ZC3H12C: variants seen among roughly 807,000 people sequenced by gnomAD.
ZC3H12C encodes probable ribonuclease ZC3H12C.
In ZC3H12C, 20 loss-of-function variants were observed where a neutral mutation model predicts 76.3. The ratio of observed to expected loss-of-function variants is 0.26; its 90% CI spans 0.18 to 0.38. The LOEUF (loss-of-function observed/expected upper bound fraction) is 0.38, where lower values mean the gene tolerates loss of function less well. ZC3H12C is among the 10% of genes least tolerant of loss of function. The probability of loss-of-function intolerance (pLI) is 1.00; values close to 1 mark genes in which losing one functional copy is unlikely to be tolerated. For synonymous variants in ZC3H12C, 352 were observed against 399.6 expected (o/e 0.88, Z 1.42); for missense variants, 874 against 1,086.5 (o/e 0.80, Z 2.75).
At position 110,164,660 on chromosome 11, in the gene ZC3H12C, A is replaced by G; in HGVS notation, c.1575A>G (p.Pro525=). Residue 525 remains proline (P), a synonymous_variant, in exon 6 of 6, where the codon CCA becomes CCG. Transcript: ENST00000278590. This position sits in a 1 kb window ranked among gnomAD's most constrained non-coding sequence, Gnocchi z 5.7. ...CTGTACCTTCCTTAGTTAGCATCCC[A>G]GCTACTTCTACTGCAAAACCCCAAA... ...TRSVPSLVSI[P]ATSTAKPQST... The G allele has an allele frequency of 6.2e-7, 1 of 1,614,030 alleles. No individual in the cohort carries two copies. Among genetic ancestry groups the G allele is most frequent in the African/African-American group, 1.3e-5 (1 of 75,060 alleles).
chr11:110,115,700 A>G (rs1218004992), intron 1 of ZC3H12C, among the ~76,000 whole-genome samples: 5 of 149,972 alleles, frequency 3.3e-5, no homozygotes, highest in Non-Finnish European at 1.5e-5. Flanking sequence ...ATCCCAGAGT[A>G]TTAGAATTAT....
At chr11:110,105,605 T>TA (rs1861307857) in intron 1 of ZC3H12C, among the ~76,000 whole-genome samples, 1 of 152,200 alleles carries the variant, frequency 6.6e-6, no homozygotes, top group African/African-American at 2.4e-5. Flanking sequence ...GAAAATCACC[T>TA]ATAATTCTTA....
Position 110,136,693 on chromosome 11 carries a change from A to G in ZC3H12C, c.52A>G (p.Arg18Gly), listed in dbSNP as rs1435018270. The G allele has an allele frequency of 6.2e-7, 1 of 1,613,694 alleles. No homozygotes were observed. ...CGGGGTGCTTTGCATTCAGGAATAC[A>G]GAAAAAACAGCAAAGTGGAGTCAAG... ...EYGVLCIQEY[R>G]KNSKVESSTR... The change falls in exon 2 of 6, where the codon AGA becomes GGA. Residue 18 changes from arginine to glycine, a missense_variant. Physicochemically the swap from Arg to Gly is moderately radical, Grantham distance 125. Around this residue, in one of 3 missense-constraint regions of ZC3H12C, gnomAD observed 210 missense variants for 227.1 expected, o/e 0.92. Coordinates refer to ENST00000278590, the MANE Select transcript of ZC3H12C (RefSeq NM_033390.2).
At chr11:110,133,190 A>G (rs1451985896) in intron 1 of ZC3H12C, among the ~76,000 whole-genome samples, 1 of 152,180 alleles carries the variant, frequency 6.6e-6, no homozygotes, top group African/African-American at 2.4e-5. Flanking sequence ...GCTAATTACA[A>G]GTGGGTGAGG....
Position 110,165,381 on chromosome 11 carries a change from A to G in ZC3H12C, c.2296A>G (p.Lys766Glu), listed in dbSNP as rs765503730. 1 of 1,614,012 alleles carries G rather than the reference A, an allele frequency of 6.2e-7. No individual in the cohort carries two copies. The highest frequency in any genetic ancestry group is 1.7e-5 in the Admixed American group (1 of 60,026). ...TGACAGTTCTCCTTCACGACAAAGAAAGCCTTATTCCCGCCAGGAAGGCCT... is the reference window on the plus strand; with the variant it reads ...TGACAGTTCTCCTTCACGACAAAGAGAGCCTTATTCCCGCCAGGAAGGCCT... ...LYDSSPSRQR[K>E]PYSRQEGLGS... Residue 766 changes from lysine (K) to glutamate (E), a missense_variant, in exon 6 of 6, where the codon AAG becomes GAG. By Grantham distance (56) the Lys-to-Glu change is moderately conservative. This residue lies in a region of ZC3H12C where 395 missense variants were observed against 434.4 expected (regional missense o/e 0.91). Transcript: ENST00000278590.
chr11:110,130,019 G>T (rs1329326720), intron 1 of ZC3H12C, among the ~76,000 whole-genome samples: 2 of 152,054 alleles, frequency 1.3e-5, no homozygotes, highest in Non-Finnish European at 2.9e-5. Context: ...ATGTTAACTT[G>T]TTCCTGAGCT....
At chr11:110,152,270 A>G (rs1490881312) in intron 2 of ZC3H12C, among the ~76,000 whole-genome samples, 1 of 152,236 alleles carries the variant, frequency 6.6e-6, no homozygotes, top group Non-Finnish European at 1.5e-5. Context: ...CCCTTTTGTC[A>G]TCATTAATCC....
intron 4 of ZC3H12C, among the ~76,000 whole-genome samples, chr11:110,162,499 T>C (rs1862498182): frequency 6.6e-6 from 1 of 152,262 alleles, no homozygotes; most frequent in African/African-American, 2.4e-5. Context: ...CAAATGGTAA[T>C]ATAATGAATA....
intron 5 of ZC3H12C, 75 bp downstream of exon 5, chr11:110,163,454 A>G (rs1441143776): frequency 1.0e-5 from 13 of 1,262,068 alleles, no homozygotes; most frequent in Non-Finnish European, 1.4e-5. Context: ...AACAAAAATG[A>G]ACACTTAAAA....
intron 1 of ZC3H12C, among the ~76,000 whole-genome samples, chr11:110,116,708 C>T (rs562020333): frequency 2.6e-5 from 4 of 152,316 alleles, no homozygotes; most frequent in African/African-American, 9.6e-5. Flanking sequence ...TACTATGTGA[C>T]AATCACTGTT....
rs1441566869 is a variant in ZC3H12C at position 110,167,496 on chromosome 11, A to C, written c.*1759A>C. 2.6e-5 allele frequency: 4 copies of C among 152,278 alleles called. No individual in the cohort carries two copies. The East Asian group carries it at 7.7e-4, about 29-fold the overall frequency. The allele number at this position is 152,278 out of a possible 1,614,324, so 9.4% of individuals were successfully genotyped here. A position where few individuals can be genotyped will look rare whatever the true frequency, so the allele number is the denominator to read the frequency against. On this transcript the variant is annotated 3_prime_UTR_variant, in exon 6 of 6. Coordinates refer to ENST00000278590, the MANE Select transcript of ZC3H12C (RefSeq NM_033390.2). ...ATAATATATTAAAACACAGTAAATA[A>C]ATTTATTGGCATTTTCTTTCTCCTA...
intron 3 of ZC3H12C, among the ~76,000 whole-genome samples, chr11:110,158,008 CT>C (rs902221572): frequency 1.3e-5 from 2 of 151,812 alleles, no homozygotes; most frequent in African/African-American, 4.8e-5. Context: ...AAGAAGTGAG[CT>C]TTTTTTTAAA....
chr11:110,118,039 T>TACACACAC (rs1325262333), intron 1 of ZC3H12C, among the ~76,000 whole-genome samples: 5 of 86,394 alleles, frequency 5.8e-5, no homozygotes, highest in African/African-American at 2.1e-4. Flanking sequence ...ATTATATATA[T>TACACACAC]ATACACATAT....
At chr11:110,150,302 A>G (rs1273263413) in intron 2 of ZC3H12C, among the ~76,000 whole-genome samples, 6 of 151,922 alleles carry the variant, frequency 3.9e-5, no homozygotes, top group African/African-American at 7.2e-5. Flanking sequence ...TAAAAATAGT[A>G]TATTGTTTTT....
At chr11:110,136,495 G>GA (rs964293839) in intron 1 of ZC3H12C, 168 bp from the exon 2 acceptor site, 4 of 683,868 alleles carry the variant, frequency 5.8e-6, no homozygotes, top group African/African-American at 3.6e-5. Context: ...TTCTTCATCT[G>GA]AAAAATGGCA....
At chr11:110,138,178 A>G (rs1862005128) in intron 2 of ZC3H12C, among the ~76,000 whole-genome samples, 1 of 152,132 alleles carries the variant, frequency 6.6e-6, no homozygotes, top group Non-Finnish European at 1.5e-5. Context: ...AAGCACATCT[A>G]AATTCAATCA....
At chr11:110,101,978 G>GAAAA (rs545649693) in intron 1 of ZC3H12C, among the ~76,000 whole-genome samples, 3 of 151,620 alleles carry the variant, frequency 2.0e-5, no homozygotes, top group Non-Finnish European at 4.4e-5. Context: ...TTACTGCTCA[G>GAAAA]AAAAAAAGAT....
chr11:110,142,669 G>A (rs1424593434), intron 2 of ZC3H12C, among the ~76,000 whole-genome samples: 2 of 152,102 alleles, frequency 1.3e-5, no homozygotes, highest in Non-Finnish European at 2.9e-5. Context: ...ACTGCATAAT[G>A]GACTTCCATA....
At chr11:110,104,994 ATTAC>A (rs1435725214) in intron 1 of ZC3H12C, among the ~76,000 whole-genome samples, 2 of 152,152 alleles carry the variant, frequency 1.3e-5, no homozygotes, top group Non-Finnish European at 2.9e-5. Context: ...TTTCAAATCT[ATTAC>A]TTTATGTCTT....
Sources: gnomAD v4.1 joint callset for allele counts (sites outside exome capture counted in the v4.1 genomes callset) on GRCh38, gnomAD v4.1.1 for gene constraint, gnomAD v4.1.1 regional missense constraint, Gnocchi (gnomAD v3.1) non-coding constraint, MANE v1.5 for transcripts, NCBI Gene and HGNC (gene_info 2026-07-23, HGNC 2026-07-21) for gene names.